The following SHPRH variants were observed in gnomAD, a reference collection of about 807,000 sequenced individuals.
The protein encoded by SHPRH is E3 ubiquitin-protein ligase SHPRH.
Under a neutral mutation model 202.5 loss-of-function variants are expected in SHPRH, and 106 were observed. The ratio of observed to expected loss-of-function variants is 0.52; its 90% CI spans 0.45 to 0.62. SHPRH has a LOEUF of 0.62. Ranked by LOEUF, SHPRH falls within the 20% of genes least tolerant of loss-of-function variation. The pLI is 0.00. For missense variants in SHPRH, 1,710 were observed against 2,020.0 expected, an observed-to-expected ratio of 0.85 and a Z score of 2.94; for synonymous variants, 729 against 686.0, an observed-to-expected ratio of 1.06 and a Z score of -0.98.
intron 8 of SHPRH, among the ~76,000 whole-genome samples, chr6:145,944,328 C>G (rs1484075964): frequency 6.6e-6 from 1 of 152,056 alleles, no homozygotes; most frequent in African/African-American, 2.4e-5. Context: ...GCTAGGGACA[C>G]AAATATGAAC....
chr6:145,889,974 A>G (rs1781440962), intron 28 of SHPRH, among the ~76,000 whole-genome samples: 1 of 152,148 alleles, frequency 6.6e-6, no homozygotes, highest in Non-Finnish European at 1.5e-5. Context: ...GTTTGATCCC[A>G]TATCCTCTTG....
rs1418015608 is a variant in SHPRH at position 145,893,402 on chromosome 6, G to T, written c.4696-9C>A. 2 of 1,572,116 alleles carry T rather than the reference G, an allele frequency of 1.3e-6. No homozygotes were observed. Among genetic ancestry groups the T allele is most frequent in the African/African-American group, 2.8e-5 (2 of 71,846 alleles). On this transcript the variant is annotated splice_polypyrimidine_tract_variant and intron_variant, in intron 27 of 29. Transcript: ENST00000275233. The stretch of plus-strand genomic sequence containing the variant: ...AATGCTGAAAGGTTCTCCTAAAAAA[G>T]AAAGGTACATTTTAATTTTAGCTCG...
chr6:145,892,332 T>C (rs536502881), intron 28 of SHPRH, among the ~76,000 whole-genome samples: 214 of 152,312 alleles, frequency 1.4e-3, no homozygotes, highest in African/African-American at 4.6e-3. Context: ...CCTGACTCTG[T>C]AGGGCCCGAG....
At chr6:145,926,155 A>C in intron 16 of SHPRH, 49 bp downstream of exon 16, 1 of 1,469,584 alleles carries the variant, frequency 6.8e-7, no homozygotes, top group East Asian at 2.3e-5. Context: ...ATGGAGCATA[A>C]AGTTTGAAGA....
rs1346589193 is a variant in SHPRH at position 145,921,183 on chromosome 6, C to T, written c.3992G>A (p.Trp1331Ter). ...ATACTATACCTTATATTCCTTCTTC[C>T]ATGCTTCAAAGAGATCCATTGAAGT... Reference protein sequence around the residue: ...GSTSMDLFEAWKKEYKLLHEY... With the variant: ...GSTSMDLFEA The change falls in exon 21 of 30, where the codon TGG becomes TAG. Residue 1331 changes from tryptophan (W) to a stop codon, truncating the protein, a stop_gained. Transcript: ENST00000275233. LOFTEE classifies it high-confidence loss of function. The T allele has an allele frequency of 1.9e-6, 3 of 1,611,968 alleles. No homozygotes were observed. Among genetic ancestry groups the T allele is most frequent in the Non-Finnish European group, 2.5e-6 (3 of 1,178,766 alleles).
intron 9 of SHPRH, 116 bp downstream of exon 9, chr6:145,943,027 A>G: frequency 8.3e-7 from 1 of 1,200,380 alleles, no homozygotes; most frequent in Non-Finnish European, 1.2e-6. Context: ...TAACATTACT[A>G]TTAAATCATT....
intron 25 of SHPRH, among the ~76,000 whole-genome samples, chr6:145,896,929 C>T (rs1308732962): frequency 6.6e-6 from 1 of 151,642 alleles, no homozygotes; most frequent in Non-Finnish European, 1.5e-5. Flanking sequence ...TAGAAATAAA[C>T]AACTACATAA....
chr6:145,904,532 T>TA (rs2128727861), intron 25 of SHPRH: 1 of 152,316 alleles, frequency 6.6e-6, no homozygotes, highest in East Asian at 1.9e-4. Flanking sequence ...CAGAATACAA[T>TA]AAGCTGATGT....
Position 145,955,048 on chromosome 6 carries a change from A to G in SHPRH, c.275T>C (p.Phe92Ser), listed in dbSNP as rs191475560. The G allele has an allele frequency of 6.2e-7, 1 of 1,613,344 alleles. No individual in the cohort carries two copies. Among genetic ancestry groups the G allele is most frequent in the Non-Finnish European group, 8.5e-7 (1 of 1,179,936 alleles). The change falls in exon 2 of 30, where the codon TTT (phenylalanine) becomes TCT (serine). Residue 92 changes from phenylalanine to serine, a missense_variant. Phe to Ser is a radical substitution (Grantham distance 155, BLOSUM62 -2). This residue lies in a region of SHPRH where 459 missense variants were observed against 426.5 expected (regional missense o/e 1.08). Coordinates refer to ENST00000275233, the MANE Select transcript of SHPRH (RefSeq NM_001042683.3). The part of the protein sequence containing the change: ...PIEKEETVGI[F>S]SPLSVKLNIV... ...ATTTAACTTTACAGACAAAGGGGAA[A>G]AAATACCAACAGTCTCTTCTTTTTC...
Position 145,910,711 on chromosome 6 carries a change from C to T in SHPRH, c.4327-75G>A, listed in dbSNP as rs576642270. 8.3e-5 allele frequency: 111 copies of T among 1,332,924 alleles called. 1 individual carries two copies. The highest frequency in any genetic ancestry group is 3.9e-4 in the South Asian group (20 of 51,080). 82.6% of individuals were successfully genotyped at this position (1,332,924 alleles called of 1,614,324 possible). ...TTTATAAGCATATTAAAAAGAGATT[C>T]GCAATTTTTCCTCCTAAAGATTTCA... On this transcript the variant is annotated intron_variant, in intron 24 of 29. Transcript: ENST00000275233.
intron 25 of SHPRH, among the ~76,000 whole-genome samples, chr6:145,901,284 T>C (rs1046493650): frequency 6.6e-6 from 1 of 152,134 alleles, no homozygotes; most frequent in African/African-American, 2.4e-5. Context: ...ACCGCCTTAA[T>C]GAGCACTACA....
intron 15 of SHPRH, among the ~76,000 whole-genome samples, chr6:145,926,718 T>C (rs917377991): frequency 6.6e-6 from 1 of 151,908 alleles, no homozygotes; most frequent in Non-Finnish European, 1.5e-5. Context: ...GAGAGCCTTG[T>C]CTATATGAGT....
intron 25 of SHPRH, among the ~76,000 whole-genome samples, chr6:145,899,452 C>T (rs1583330323): frequency 6.6e-6 from 1 of 152,052 alleles, no homozygotes; most frequent in Non-Finnish European, 1.5e-5. Flanking sequence ...AAAACAGTCT[C>T]TTCAATAAAC....
At chr6:145,929,453 ATTTCT>A (rs1785210083) in intron 14 of SHPRH, among the ~76,000 whole-genome samples, 3 of 152,028 alleles carry the variant, frequency 2.0e-5, no homozygotes. Context: ...TTAATTTTAG[ATTTCT>A]TTTAAAAGTC....
rs181294976 is a variant in SHPRH at position 145,870,069 on chromosome 6, T to C, written c.222-5578A>G. 2.6e-4 allele frequency among the ~76,000 whole-genome samples: 40 copies of C among 152,060 alleles called. No individual in the cohort carries two copies. The East Asian group carries it at 6.6e-3, about 25-fold the overall frequency. On this transcript the variant is annotated intron_variant, in intron 2 of 2. Coordinates refer to the SHPRH transcript ENST00000417762. ...CATGTAGATATTGTATGTATTTTGC[T>C]AGATTTATACCTAAGTATTTCATTT...
intron 1 of SHPRH, 124 bp downstream of exon 1, chr6:145,963,607 G>T (rs117100009): frequency 6.6e-6 from 1 of 152,220 alleles, no homozygotes; most frequent in Non-Finnish European, 1.5e-5. Context: ...AGGTAACGGA[G>T]AACTTTGAGT....
Position 145,921,153 on chromosome 6 carries a change from T to C in SHPRH, c.4008+14A>G. 1 of 1,591,514 alleles carries C rather than the reference T, an allele frequency of 6.3e-7. No individual in the cohort carries two copies. The highest frequency in any genetic ancestry group is 8.6e-7 in the Non-Finnish European group (1 of 1,166,314). ...GAATTTTTAATTTTGGAAGGAAGTTTTAAAATACTATACCTTATATTCCTT... is the reference window on the plus strand; with the variant it reads ...GAATTTTTAATTTTGGAAGGAAGTTCTAAAATACTATACCTTATATTCCTT... On this transcript the variant is annotated intron_variant, in intron 21 of 29. Transcript: ENST00000275233.
chr6:145,943,937 C>A (rs544058178), intron 8 of SHPRH, 135 bp from the exon 9 acceptor site: 1 of 834,182 alleles, frequency 1.2e-6, no homozygotes, highest in South Asian at 1.9e-5. Context: ...GAGAATCACT[C>A]CTGATAAGTG....
chr6:145,935,567 G>A (rs1263124366), intron 11 of SHPRH, 126 bp from the exon 12 acceptor site: 10 of 872,988 alleles, frequency 1.1e-5, no homozygotes, highest in South Asian at 1.9e-5. Context: ...GGCTGTATAG[G>A]CTCTTAAATC....
Sources: allele counts gnomAD v4.1 joint callset (sites outside exome capture counted in the v4.1 genomes callset), GRCh38; gene constraint gnomAD v4.1.1; regional missense constraint gnomAD v4.1.1; transcripts MANE v1.5; gene names NCBI Gene and HGNC (gene_info 2026-07-23, HGNC 2026-07-21).